Variants in AUTS2 observed in about 807,000 individuals in gnomAD.
AUTS2 encodes the protein activator of transcription and developmental regulator AUTS2, also known as autism susceptibility gene 2 protein.
Under a neutral mutation model 112.4 loss-of-function variants are expected in AUTS2, and 17 were observed. That is an observed-to-expected ratio of 0.15 (90% CI 0.10 to 0.23). The LOEUF (loss-of-function observed/expected upper bound fraction) is 0.23, where lower values mean the gene tolerates loss of function less well. Among genes scored for constraint, AUTS2 ranks in the 10% least tolerant of loss-of-function variants. The pLI is 1.00. For missense variants in AUTS2, 1,510 were observed against 1,701.6 expected, an observed-to-expected ratio of 0.89 and a Z score of 1.98; for synonymous variants, 751 against 702.7, an observed-to-expected ratio of 1.07 and a Z score of -1.09.
intron 5 of AUTS2, among the ~76,000 whole-genome samples, chr7:70,611,164 G>T (rs1398812556): frequency 6.6e-6 from 1 of 152,146 alleles, no homozygotes; most frequent in African/African-American, 2.4e-5. Flanking sequence ...TGAGATAAGG[G>T]TCTCATTTCA....
chr7:70,662,551 G>T (rs1322689189), intron 5 of AUTS2, among the ~76,000 whole-genome samples: 1 of 152,210 alleles, frequency 6.6e-6, no homozygotes, highest in Non-Finnish European at 1.5e-5. Flanking sequence ...CGGGCTTCAT[G>T]AATTACTCCT....
Position 70,789,898 on chromosome 7 carries a change from G to A in AUTS2, c.2682G>A (p.Glu894=). 6.2e-7 allele frequency: 1 copy of A among 1,614,162 alleles called. No individual in the cohort carries two copies. The highest frequency in any genetic ancestry group is 8.5e-7 in the Non-Finnish European group (1 of 1,180,038). ...AREKDKPKER[E]RDHSESRKDL... ...AGAAGGACAAACCCAAAGAGAGGGA[G>A]AGAGACCACTCGGAATCCCGCAAGG... The change falls in exon 19 of 19, where the codon GAG becomes GAA. Residue 894 remains glutamate (E), a synonymous_variant. Transcript: ENST00000342771.
In AUTS2 at chr7:70,739,102, T is replaced by C. The variant is rs950610859; in HGVS notation, c.743-23768T>C. ...GCACGGTGTTGCTGTCATAGCTCAC[T>C]TGCAGCCTCTACCTCTAGGGTTCAA... is the stretch of plus-strand genomic sequence containing the variant. On this transcript the variant is annotated intron_variant, in intron 6 of 18. Coordinates refer to ENST00000342771, the MANE Select transcript of AUTS2 (RefSeq NM_015570.4). Among the ~76,000 whole-genome samples the C allele has an allele frequency of 2.8e-5, 4 of 141,774 alleles. No individual in the cohort carries two copies. The East Asian group carries it at 9.1e-4, about 32-fold the overall frequency. The allele number at this position is 141,774 out of a possible 152,430, so 93.0% of individuals were successfully genotyped here.
intron 2 of AUTS2, among the ~76,000 whole-genome samples, chr7:70,009,216 C>T (rs536186872): frequency 4.6e-5 from 7 of 152,216 alleles, no homozygotes; most frequent in South Asian, 4.1e-4. Flanking sequence ...AACCCACTCT[C>T]GCAATAACCA....
intron 10 of AUTS2, 153 bp from the exon 11 acceptor site, chr7:70,771,396 G>A (rs1015553300): frequency 7.3e-6 from 4 of 550,314 alleles, no homozygotes; most frequent in Non-Finnish European, 9.5e-6. Flanking sequence ...TGGCACGTCT[G>A]TGTGATCATT....
intron 5 of AUTS2, among the ~76,000 whole-genome samples, chr7:70,676,132 A>G (rs1360040414): frequency 6.6e-6 from 1 of 152,208 alleles, no homozygotes; most frequent in African/African-American, 2.4e-5. Flanking sequence ...TCTTCATTAA[A>G]AAGAAGAAGA....
chr7:69,847,164 T>C (rs1345508955), intron 1 of AUTS2, among the ~76,000 whole-genome samples: 1 of 152,206 alleles, frequency 6.6e-6, no homozygotes, highest in East Asian at 1.9e-4. Context: ...GCTGGCTTAA[T>C]AGAACATACG....
intron 1 of AUTS2, among the ~76,000 whole-genome samples, chr7:69,714,744 T>C (rs10256512): frequency 0.076 from 11,616 of 152,190 alleles, 602 homozygotes; most frequent in African/African-American, 0.14. Flanking sequence ...TCCACAAAAA[T>C]GTCCTTCTGG....
At chr7:70,491,041 A>G (rs952945043) in intron 5 of AUTS2, among the ~76,000 whole-genome samples, 3 of 152,190 alleles carry the variant, frequency 2.0e-5, no homozygotes, top group African/African-American at 7.2e-5. Context: ...CACTGGTCAC[A>G]GGACCGGCAC....
chr7:69,842,113 A>G lies in AUTS2; in HGVS notation c.310-57173A>G, dbSNP rs17140958. On this transcript the variant is annotated intron_variant, in intron 1 of 18. Transcript: ENST00000342771. ...TTTATATGTAATTTCTGAGATTTCT[A>G]GCTCATGCATGCATTTCTGTTTGAG... Among the ~76,000 whole-genome samples, 409 of 152,312 alleles carry G rather than the reference A, an allele frequency of 2.7e-3. 4 individuals carry two copies. Among genetic ancestry groups the G allele is most frequent in the African/African-American group, 9.3e-3 (388 of 41,580 alleles).
Position 70,774,016 on chromosome 7 carries a change from A to G in AUTS2, c.1831-12A>G, listed in dbSNP as rs770905989. ...TGCTTCCTAAGTAAGCTGTGGTCTA[A>G]TTAATTTGTAGACATCCAACCCTAT... On this transcript the variant is annotated splice_polypyrimidine_tract_variant and intron_variant, in intron 11 of 18. Coordinates refer to ENST00000342771, the MANE Select transcript of AUTS2 (RefSeq NM_015570.4). The G allele has an allele frequency of 8.7e-6, 14 of 1,613,942 alleles. No homozygotes were observed. The highest frequency in any genetic ancestry group is 1.2e-5 in the Non-Finnish European group (14 of 1,179,842).
intron 6 of AUTS2, among the ~76,000 whole-genome samples, chr7:70,755,429 C>A (rs958108787): frequency 1.3e-5 from 2 of 152,078 alleles, no homozygotes; most frequent in African/African-American, 4.8e-5. Flanking sequence ...CTTTGGGAGG[C>A]CGAGGCGGGG....
intron 1 of AUTS2, among the ~76,000 whole-genome samples, chr7:69,693,458 A>G (rs776966089): frequency 2.0e-5 from 3 of 152,272 alleles, no homozygotes; most frequent in Non-Finnish European, 4.4e-5. Context: ...CAAAGGCTTT[A>G]GAAAACTACA....
Position 70,407,967 on chromosome 7 carries a change from T to C in AUTS2, c.661-27785T>C, listed in dbSNP as rs576987991. On this transcript the variant is annotated intron_variant, in intron 4 of 18. Transcript: ENST00000342771. ...TACTCGGGAGGCTGAGATAGGAGAATGGCGTGAACCCGGGCGGCAGAGCTT... is the reference window on the plus strand; with the variant it reads ...TACTCGGGAGGCTGAGATAGGAGAACGGCGTGAACCCGGGCGGCAGAGCTT... Among the ~76,000 whole-genome samples the C allele has an allele frequency of 4.1e-3, 608 of 148,670 alleles. 5 individuals carry two copies. Among genetic ancestry groups the C allele is most frequent in the African/African-American group, 0.014 (551 of 40,140 alleles).
chr7:70,027,403 C>G (rs948542739), intron 2 of AUTS2, among the ~76,000 whole-genome samples: 3 of 152,136 alleles, frequency 2.0e-5, no homozygotes, highest in African/African-American at 7.2e-5. Flanking sequence ...TCTTCCTTGA[C>G]TTGTCTCACT....
At chr7:70,525,285 A>T (rs770491451) in intron 5 of AUTS2, among the ~76,000 whole-genome samples, 1 of 152,134 alleles carries the variant, frequency 6.6e-6, no homozygotes, top group Non-Finnish European at 1.5e-5. Context: ...TAGAGTTGTA[A>T]TCTTCCATTT....
chr7:70,256,528 C>T (rs537808377), intron 4 of AUTS2, among the ~76,000 whole-genome samples: 2 of 152,274 alleles, frequency 1.3e-5, no homozygotes, highest in South Asian at 2.1e-4. Flanking sequence ...CTGTTCTGTA[C>T]GAGGAAGCAG....
chr7:70,489,514 A>G (rs1313563532), intron 5 of AUTS2, among the ~76,000 whole-genome samples: 1 of 152,222 alleles, frequency 6.6e-6, no homozygotes, highest in Non-Finnish European at 1.5e-5. Context: ...AGCCGTAGAG[A>G]GACGACAAAA....
At chr7:70,277,297 G>A (rs537346793) in intron 4 of AUTS2, among the ~76,000 whole-genome samples, 5 of 152,294 alleles carry the variant, frequency 3.3e-5, no homozygotes, top group African/African-American at 1.2e-4. Flanking sequence ...GAAGAAGGTG[G>A]TGATACACAG....
Sources: allele counts gnomAD v4.1 joint callset (sites outside exome capture counted in the v4.1 genomes callset), GRCh38; gene constraint gnomAD v4.1.1; transcripts MANE v1.5; gene names NCBI Gene and HGNC (gene_info 2026-07-23, HGNC 2026-07-21).